SRPK2: variants seen among roughly 807,000 people sequenced by gnomAD.
SRPK2 encodes the protein SRSF protein kinase 2, also known as SFRS protein kinase 2.
Under a neutral mutation model 90.8 loss-of-function variants are expected in SRPK2, and 21 were observed. That is an observed-to-expected ratio of 0.23 (90% confidence interval 0.16 to 0.33). The LOEUF (loss-of-function observed/expected upper bound fraction) is 0.33. Among genes scored for constraint, SRPK2 ranks in the 10% least tolerant of loss-of-function variants. The pLI, the probability that SRPK2 is intolerant of heterozygous loss-of-function variation, is 1.00. For missense variants in SRPK2, 620 were observed against 869.0 expected (o/e 0.71, Z 3.60); for synonymous variants, 288 against 311.1 (o/e 0.93, Z 0.78).
At chr7:105,350,183 T>C (rs1816994790) in intron 2 of SRPK2, among the ~76,000 whole-genome samples, 1 of 145,686 alleles carries the variant, frequency 6.9e-6, no homozygotes, top group Non-Finnish European at 1.5e-5. Context: ...CAGACTGGAG[T>C]ACAGTGGCTC....
chr7:105,168,999 G>T (rs1267073197), intron 4 of SRPK2, among the ~76,000 whole-genome samples, 158 bp downstream of exon 4: 1 of 152,064 alleles, frequency 6.6e-6, no homozygotes, highest in African/African-American at 2.4e-5. Flanking sequence ...TTCAAACTAA[G>T]GCAGGGGGCA....
At chr7:105,202,869 T>C (rs1795730900) in intron 3 of SRPK2, among the ~76,000 whole-genome samples, 1 of 152,250 alleles carries the variant, frequency 6.6e-6, no homozygotes, top group African/African-American at 2.4e-5. Context: ...TGGTTTTCTT[T>C]TAGCCTTAGC....
chr7:105,183,322 A>C (rs909467634), intron 3 of SRPK2, among the ~76,000 whole-genome samples: 2 of 152,216 alleles, frequency 1.3e-5, no homozygotes, highest in African/African-American at 4.8e-5. Flanking sequence ...CTAAAATCCT[A>C]ATCTACATTC....
chr7:105,309,587 A>C (rs1454078081), intron 2 of SRPK2, among the ~76,000 whole-genome samples: 1 of 152,198 alleles, frequency 6.6e-6, no homozygotes, highest in Non-Finnish European at 1.5e-5. Context: ...CAAAAACACC[A>C]ATCTGTGGCA....
exon 1 of SRPK2, chr7:105,399,205 T>A (rs1822403506): frequency 6.6e-6 from 1 of 152,322 alleles, no homozygotes; most frequent in Non-Finnish European, 1.5e-5. Flanking sequence ...TGAGTCAAGA[T>A]GTCACTTGAG....
chr7:105,364,761 G>A (rs1053830636), intron 2 of SRPK2, among the ~76,000 whole-genome samples: 1 of 152,056 alleles, frequency 6.6e-6, no homozygotes, highest in Non-Finnish European at 1.5e-5. Context: ...CATTGTGTTT[G>A]GGGGCAAGTA....
intron 1 of SRPK2, 43 bp from the exon 2 acceptor site, chr7:105,388,745 C>T (rs756042526): frequency 3.9e-6 from 6 of 1,549,162 alleles, no homozygotes; most frequent in East Asian, 2.5e-5. Flanking sequence ...GCCGCCCGCC[C>T]GGGCTGGCCG....
intron 2 of SRPK2, among the ~76,000 whole-genome samples, chr7:105,218,537 A>T (rs1467297936): frequency 1.3e-5 from 2 of 152,238 alleles, no homozygotes; most frequent in Non-Finnish European, 2.9e-5. Flanking sequence ...GAAAGTAGAT[A>T]CAAATAGACG....
chr7:105,240,470 A>G (rs1800664353), intron 2 of SRPK2, among the ~76,000 whole-genome samples: 1 of 152,222 alleles, frequency 6.6e-6, no homozygotes, highest in African/African-American at 2.4e-5. Flanking sequence ...ATACATTAAA[A>G]CAATTCTTTA....
At chr7:105,163,901 T>TTATGCAA (rs1439424326) in intron 6 of SRPK2, among the ~76,000 whole-genome samples, 2 of 152,168 alleles carry the variant, frequency 1.3e-5, no homozygotes, top group African/African-American at 4.8e-5. Flanking sequence ...CTGGTTCAAC[T>TTATGCAA]TATGCAATTC....
chr7:105,128,610 G>A (rs1470775530), intron 13 of SRPK2, among the ~76,000 whole-genome samples: 2 of 152,164 alleles, frequency 1.3e-5, no homozygotes, highest in Non-Finnish European at 2.9e-5. Flanking sequence ...GGACAACGAG[G>A]ACTTGAAAAG....
At chr7:105,121,873 TAAAG>T (rs1040246250) in intron 15 of SRPK2, among the ~76,000 whole-genome samples, 3 of 152,182 alleles carry the variant, frequency 2.0e-5, no homozygotes, top group Non-Finnish European at 2.9e-5. Context: ...CAGAATTAAA[TAAAG>T]AAGCCCATGA....
intron 6 of SRPK2, among the ~76,000 whole-genome samples, chr7:105,161,001 C>A (rs1463820602): frequency 6.6e-6 from 1 of 152,102 alleles, no homozygotes; most frequent in Non-Finnish European, 1.5e-5. Context: ...TCTTGGCTCA[C>A]TGCAAGCTCT....
chr7:105,359,240 C>T (rs1818158199), intron 2 of SRPK2, among the ~76,000 whole-genome samples: 1 of 146,808 alleles, frequency 6.8e-6, no homozygotes, highest in Non-Finnish European at 1.5e-5. Context: ...CTCACTGCAA[C>T]CTCTGCCTCC....
upstream of SRPK2, among the ~76,000 whole-genome samples, chr7:105,393,505 TTTTC>T (rs566046249): frequency 2.4e-3 from 369 of 151,200 alleles, no homozygotes; most frequent in African/African-American, 7.4e-3. Flanking sequence ...CCTCTGCCTT[TTTTC>T]TTTCTTTCTT....
chr7:105,317,670 T>C (rs1313032360), intron 2 of SRPK2, among the ~76,000 whole-genome samples: 2 of 152,192 alleles, frequency 1.3e-5, no homozygotes, highest in Admixed American at 6.5e-5. Context: ...CAGACACATA[T>C]ATGATAATCT....
chr7:105,325,152 T>G (rs1301584196), intron 2 of SRPK2, among the ~76,000 whole-genome samples: 2 of 152,038 alleles, frequency 1.3e-5, no homozygotes, highest in Non-Finnish European at 2.9e-5. Context: ...CACAAGTCAA[T>G]GAAGAAAACA....
intron 7 of SRPK2, 119 bp from the exon 8 acceptor site, chr7:105,146,777 A>G (rs1804684355): frequency 2.7e-6 from 3 of 1,091,920 alleles, no homozygotes; most frequent in Non-Finnish European, 3.9e-6. Flanking sequence ...ACACAAAAGG[A>G]TATTTAGTAA....
chr7:105,223,237 T>C (rs1479347834), intron 2 of SRPK2, among the ~76,000 whole-genome samples: 2 of 152,232 alleles, frequency 1.3e-5, no homozygotes, highest in South Asian at 2.1e-4. Context: ...CAACTGCAAC[T>C]ATTCTTTGTC....
Sources: allele counts gnomAD v4.1 joint callset (sites outside exome capture counted in the v4.1 genomes callset), GRCh38; gene constraint gnomAD v4.1.1; transcripts MANE v1.5; gene names NCBI Gene and HGNC (gene_info 2026-07-23, HGNC 2026-07-21).